EYA2: variants seen among roughly 807,000 people sequenced by gnomAD.
EYA2 encodes the protein protein phosphatase EYA2.
A neutral mutation model predicts 69.2 loss-of-function variants in EYA2; 31 were observed. The observed-to-expected ratio is 0.45, with a 90% CI of 0.34 to 0.60. The LOEUF is 0.60. Ranked by LOEUF, EYA2 falls within the 20% of genes least tolerant of loss-of-function variation. The pLI is 0.02. For synonymous variants in EYA2, 257 were observed against 279.4 expected, an observed-to-expected ratio of 0.92 and a Z score of 0.80; for missense variants, 622 against 701.2, an observed-to-expected ratio of 0.89 and a Z score of 1.28.
chr20:47,164,027 A>G (rs551302138), intron 10 of EYA2, among the ~76,000 whole-genome samples: 9 of 152,180 alleles, frequency 5.9e-5, no homozygotes, highest in East Asian at 1.9e-4. Context: ...CAAGATACTC[A>G]TACTTTGACC....
chr20:47,049,217 G>T (rs73307701), intron 5 of EYA2, among the ~76,000 whole-genome samples: 4,354 of 152,194 alleles, frequency 0.029, 152 homozygotes, highest in African/African-American at 0.087. Flanking sequence ...CCCTTCTCCC[G>T]CTTTCCCTAA....
chr20:46,923,224 G>T (rs1985259533), intron 1 of EYA2, among the ~76,000 whole-genome samples: 1 of 152,144 alleles, frequency 6.6e-6, no homozygotes, highest in African/African-American at 2.4e-5. Flanking sequence ...AAATTAGCCA[G>T]GCGTGGTGGC....
intron 9 of EYA2, among the ~76,000 whole-genome samples, chr20:47,134,129 T>G (rs1297351808): frequency 6.6e-6 from 1 of 152,164 alleles, no homozygotes; most frequent in Admixed American, 6.5e-5. Flanking sequence ...AGACCCCAAA[T>G]GAAATCAGCT....
intron 10 of EYA2, among the ~76,000 whole-genome samples, chr20:47,159,244 A>T (rs1362158344): frequency 6.6e-6 from 1 of 152,022 alleles, no homozygotes; most frequent in Non-Finnish European, 1.5e-5. Context: ...GTGATTAGTC[A>T]TGTTGATAAT....
chr20:47,078,331 GCACACA>G (rs60383949), intron 7 of EYA2, among the ~76,000 whole-genome samples: 20 of 123,828 alleles, frequency 1.6e-4, no homozygotes, highest in South Asian at 2.8e-4. Flanking sequence ...GCGCGCGCGC[GCACACA>G]CACACACACA....
At chr20:47,020,424 A>G (rs565474076) in intron 5 of EYA2, among the ~76,000 whole-genome samples, 37 of 152,338 alleles carry the variant, frequency 2.4e-4, no homozygotes, top group African/African-American at 8.4e-4. Flanking sequence ...AAAAGAAAAA[A>G]GTTCACAGCT....
intron 10 of EYA2, among the ~76,000 whole-genome samples, chr20:47,151,690 T>A (rs1052264949): frequency 6.6e-6 from 1 of 152,014 alleles, no homozygotes. Context: ...AAGGTTAGAT[T>A]CTGCCATCAT....
chr20:47,127,595 A>C (rs80355325), intron 9 of EYA2, among the ~76,000 whole-genome samples: 1 of 152,352 alleles, frequency 6.6e-6, no homozygotes, highest in African/African-American at 2.4e-5. Flanking sequence ...AAGAGCACAA[A>C]GCAGATTAAC....
intron 2 of EYA2, among the ~76,000 whole-genome samples, chr20:46,992,662 G>T (rs1027626929): frequency 6.6e-6 from 1 of 152,156 alleles, no homozygotes; most frequent in African/African-American, 2.4e-5. Context: ...TTGTGACTTG[G>T]AGCTGTCAGT....
At chr20:46,965,307 C>T (rs1379750277) in intron 1 of EYA2, among the ~76,000 whole-genome samples, 1 of 152,236 alleles carries the variant, frequency 6.6e-6, no homozygotes, top group Non-Finnish European at 1.5e-5. Context: ...GTAAAAAGGG[C>T]TTTAAACAGT....
chr20:47,104,110 C>T (rs1348446679), intron 9 of EYA2, among the ~76,000 whole-genome samples: 2 of 152,174 alleles, frequency 1.3e-5, no homozygotes, highest in African/African-American at 2.4e-5. Context: ...ATGTTATTGT[C>T]TGCCTTTTTG....
chr20:47,089,165 C>T, intron 7 of EYA2, 74 bp from the exon 8 acceptor site: 2 of 1,554,570 alleles, frequency 1.3e-6, no homozygotes, highest in Non-Finnish European at 1.8e-6. Flanking sequence ...CTAGACGGTG[C>T]TGTTGGGATA....
chr20:46,951,641 A>G (rs934920834), intron 1 of EYA2, among the ~76,000 whole-genome samples: 9 of 152,226 alleles, frequency 5.9e-5, no homozygotes, highest in Non-Finnish European at 1.2e-4. Flanking sequence ...AACCACTCTC[A>G]GGCGTCAGAG....
At chr20:47,019,062 A>T (rs1983590752) in intron 5 of EYA2, among the ~76,000 whole-genome samples, 1 of 152,224 alleles carries the variant, frequency 6.6e-6, no homozygotes. Flanking sequence ...CCAAGGTCAC[A>T]CGGCCATGGC....
chr20:47,160,548 G>A (rs1042376925), intron 10 of EYA2, among the ~76,000 whole-genome samples: 3 of 152,072 alleles, frequency 2.0e-5, no homozygotes, highest in African/African-American at 7.2e-5. Flanking sequence ...GGTATATGTC[G>A]AAGGGAAAGC....
intron 1 of EYA2, among the ~76,000 whole-genome samples, chr20:46,905,802 A>T (rs979250017): frequency 7.9e-5 from 12 of 152,204 alleles, no homozygotes; most frequent in Non-Finnish European, 1.8e-4. Context: ...GACACCTTCT[A>T]TATAGGATTT....
chr20:46,976,015 G>C (rs575819935), intron 1 of EYA2, among the ~76,000 whole-genome samples: 1 of 152,280 alleles, frequency 6.6e-6, no homozygotes, highest in East Asian at 1.9e-4. Context: ...AGTCCGCTTG[G>C]CTGAAGGATG....
intron 7 of EYA2, among the ~76,000 whole-genome samples, chr20:47,089,031 T>C (rs1421363135): frequency 6.6e-6 from 1 of 152,158 alleles, no homozygotes; most frequent in South Asian, 2.1e-4. Flanking sequence ...GCTGACCAAG[T>C]GTCTGCTGGA....
chr20:46,996,472 A>G (rs1304142246), intron 2 of EYA2, among the ~76,000 whole-genome samples: 2 of 152,210 alleles, frequency 1.3e-5, no homozygotes, highest in East Asian at 3.8e-4. Flanking sequence ...TTGACCAACA[A>G]TCAGAACCTG....
Sources: allele counts gnomAD v4.1 joint callset (sites outside exome capture counted in the v4.1 genomes callset), GRCh38; gene constraint gnomAD v4.1.1; transcripts MANE v1.5; gene names NCBI Gene and HGNC (gene_info 2026-07-23, HGNC 2026-07-21).